NUP43: variants seen among roughly 807,000 people sequenced by gnomAD.
NUP43 encodes the protein nucleoporin Nup43.
NUP43 carries 32 observed loss-of-function variants against 47.3 expected under a neutral mutation model. The ratio of observed to expected loss-of-function variants is 0.68; its 90% CI spans 0.51 to 0.91. NUP43 has a LOEUF of 0.91. Among genes scored for constraint, NUP43 ranks in the 40% least tolerant of loss-of-function variants. The pLI is 0.00. For missense variants in NUP43, 444 were observed against 453.9 expected (o/e 0.98, Z 0.20); for synonymous variants, 147 against 158.4 (o/e 0.93, Z 0.54).
At chr6:149,740,614 C>T (rs1266051876) in intron 4 of NUP43, among the ~76,000 whole-genome samples, 5 of 152,028 alleles carry the variant, frequency 3.3e-5, no homozygotes, top group African/African-American at 1.2e-4. Flanking sequence ...GGTGACAGAG[C>T]GTGACTCCAT....
At chr6:149,743,777 G>T in intron 2 of NUP43, 62 bp from the exon 3 acceptor site, 1 of 1,032,780 alleles carries the variant, frequency 9.7e-7, no homozygotes, top group Non-Finnish European at 1.5e-6. Flanking sequence ...AAGTCCATTT[G>T]TTTATTTAAC....
chr6:149,735,607 A>AAAAAAC (rs1554246054), intron 6 of NUP43, among the ~76,000 whole-genome samples: 1 of 150,156 alleles, frequency 6.7e-6, no homozygotes, highest in African/African-American at 2.5e-5. Context: ...CCAAAAAAAA[A>AAAAAAC]AAAAAAAAAA....
In NUP43 at chr6:149,728,458, G is replaced by A. The variant is rs969482604; in HGVS notation, c.914-1260C>T. ...GGACATGCATGCATGCTCCACACATGCTCTCCGCTCCAGAATTTTTCTGAA... is the reference window on the plus strand; with the variant it reads ...GGACATGCATGCATGCTCCACACATACTCTCCGCTCCAGAATTTTTCTGAA... On this transcript the variant is annotated intron_variant, in intron 7 of 7. Transcript: ENST00000340413. 14 of 984,882 alleles carry A rather than the reference G, an allele frequency of 1.4e-5. No individual in the cohort carries two copies. The African/African-American group carries it at 2.3e-4, about 16-fold the overall frequency. The allele number at this position is 984,882 out of a possible 1,614,324, so 61.0% of individuals were successfully genotyped here. A position where few individuals can be genotyped will look rare whatever the true frequency, so the allele number is the denominator to read the frequency against.
chr6:149,732,552 A>G (rs989543390), intron 6 of NUP43, among the ~76,000 whole-genome samples: 8 of 146,368 alleles, frequency 5.5e-5, no homozygotes, highest in African/African-American at 1.5e-4. Flanking sequence ...TGTCTCAAGG[A>G]AAAAAAAAAA....
chr6:149,737,506 ACC>A (rs1405729407), intron 5 of NUP43, among the ~76,000 whole-genome samples: 1 of 152,106 alleles, frequency 6.6e-6, no homozygotes, highest in Admixed American at 6.5e-5. Flanking sequence ...CAAACTTCTC[ACC>A]GCAGATAATC....
intron 7 of NUP43, among the ~76,000 whole-genome samples, chr6:149,730,916 T>C (rs957114023): frequency 2.0e-5 from 3 of 151,426 alleles, no homozygotes; most frequent in Non-Finnish European, 2.9e-5. Flanking sequence ...CCAGCCTGCA[T>C]GTCAGAGTGA....
chr6:149,730,790 T>C (rs938172584), intron 7 of NUP43, among the ~76,000 whole-genome samples: 3 of 150,644 alleles, frequency 2.0e-5, no homozygotes, highest in Non-Finnish European at 3.0e-5. Flanking sequence ...AAAAAAAAAT[T>C]AGCTGGTTGT....
At chr6:149,742,334 G>A in intron 4 of NUP43, 56 bp downstream of exon 4, 1 of 1,542,788 alleles carries the variant, frequency 6.5e-7, no homozygotes, top group Non-Finnish European at 8.9e-7. Context: ...CCTAACTTTT[G>A]TATTTTTAGA....
rs2115068081 is a variant in NUP43, at chr6:149,726,752, A to G, written c.*217T>C. 5.4e-6 allele frequency: 3 copies of G among 552,548 alleles called. No homozygotes were observed. In the South Asian group the frequency reaches 6.5e-5, roughly 12 times the overall value. The allele number at this position is 552,548 out of a possible 1,614,324, so 34.2% of individuals were successfully genotyped here. On this transcript the variant is annotated 3_prime_UTR_variant, in exon 8 of 8. Transcript: ENST00000340413. ...CAGAATCCCACTGATTTTCTTCCAC[A>G]TGTTCACAATCTTTTGCCATCAGTC...
chr6:149,746,248 G>T, intron 1 of NUP43, 128 bp downstream of exon 1: 1 of 1,431,866 alleles, frequency 7.0e-7, no homozygotes, highest in Non-Finnish European at 9.6e-7. Flanking sequence ...CCGCGCCTGA[G>T]ACAGGGGTCC....
chr6:149,740,571 G>A (rs1245894738), intron 4 of NUP43, among the ~76,000 whole-genome samples: 1 of 151,714 alleles, frequency 6.6e-6, no homozygotes, highest in Non-Finnish European at 1.5e-5. Flanking sequence ...GGAGGTTGCA[G>A]TGAGCTGAGG....
chr6:149,746,152 A>C, intron 1 of NUP43, 90 bp from the exon 2 acceptor site: 1 of 1,443,466 alleles, frequency 6.9e-7, no homozygotes, highest in Non-Finnish European at 9.5e-7. Flanking sequence ...TGTTGCTCCA[A>C]AACATCTCAA....
intron 3 of NUP43, 103 bp from the exon 4 acceptor site, chr6:149,742,673 GAAT>G (rs1451151560): frequency 1.3e-6 from 1 of 785,014 alleles, no homozygotes; most frequent in Non-Finnish European, 2.0e-6. Flanking sequence ...CCTTCTACAA[GAAT>G]AAATCTCTCC....
upstream of NUP43, chr6:149,746,707 G>A: frequency 6.6e-7 from 1 of 1,508,144 alleles, no homozygotes; most frequent in African/African-American, 1.4e-5. Flanking sequence ...GCAAAGGCAA[G>A]AGCGCTTTGG....
intron 2 of NUP43, among the ~76,000 whole-genome samples, chr6:149,744,637 A>G (rs1021069899): frequency 2.0e-5 from 3 of 152,102 alleles, no homozygotes; most frequent in African/African-American, 4.8e-5. Flanking sequence ...CGAGTTCAAG[A>G]CCAGCCTGGC....
In NUP43 at chr6:149,742,017, C is replaced by A. The variant is rs9479583; in HGVS notation, c.502+373G>T. Among the ~76,000 whole-genome samples, 785 of 152,058 alleles carry A rather than the reference C, an allele frequency of 5.2e-3. 6 individuals carry two copies. Among genetic ancestry groups the A allele is most frequent in the African/African-American group, 0.018 (758 of 41,500 alleles). Reference sequence around the variant, plus strand: ...GGGATTACAGGCATGCGCCACCACGCCTGGCTAACTTTTCTTTTTTTTTTT... The same window carrying A: ...GGGATTACAGGCATGCGCCACCACGACTGGCTAACTTTTCTTTTTTTTTTT... On this transcript the variant is annotated intron_variant, in intron 4 of 7. Transcript: ENST00000340413.
At chr6:149,746,795 T>A, upstream of NUP43, 2 of 1,001,764 alleles carry the variant, frequency 2.0e-6, no homozygotes, top group East Asian at 4.6e-5. Flanking sequence ...GTGTAAAATT[T>A]AAGTGCAAAA....
Position 149,746,498 on chromosome 6 carries a change from C to G in NUP43, c.-3G>C, listed in dbSNP as rs766040311. On this transcript the variant is annotated 5_prime_UTR_variant, in exon 1 of 8. Coordinates refer to ENST00000340413, the MANE Select transcript of NUP43 (RefSeq NM_198887.3). ...AACTTCGCATAAATTTCCTCCATGC[C>G]GAAAGCGGCCGCAGCAGGTACTGCA... is the stretch of plus-strand genomic sequence containing the variant. The G allele has an allele frequency of 1.9e-6, 3 of 1,614,158 alleles. No homozygotes were observed. The highest frequency in any genetic ancestry group is 1.1e-5 in the South Asian group (1 of 91,088).
chr6:149,742,362 A>G (rs1033411969), intron 4 of NUP43, 28 bp downstream of exon 4: 15 of 1,607,774 alleles, frequency 9.3e-6, no homozygotes, highest in Non-Finnish European at 1.3e-5. Context: ...AGGTTTCGCC[A>G]TGTTGGCCAG....
Sources: gnomAD v4.1 joint callset for allele counts (sites outside exome capture counted in the v4.1 genomes callset) on GRCh38, gnomAD v4.1.1 for gene constraint, MANE v1.5 for transcripts, NCBI Gene and HGNC (gene_info 2026-07-23, HGNC 2026-07-21) for gene names.